The following GPC4 variants were observed in gnomAD, a reference collection of about 807,000 sequenced individuals.
The protein encoded by GPC4 is glypican-4.
GPC4 carries 10 observed loss-of-function variants against 35.0 expected under a neutral mutation model. The ratio of observed to expected loss-of-function variants is 0.29; its 90% CI spans 0.18 to 0.48. The LOEUF is 0.48. GPC4 is among the 20% of genes least tolerant of loss of function. The pLI, the probability that GPC4 is intolerant of heterozygous loss-of-function variation, is 0.99. For synonymous variants in GPC4, 167 were observed against 170.2 expected (o/e 0.98, Z 0.15); for missense variants, 322 against 451.3 (o/e 0.71, Z 2.60).
At chrX:133,322,104 C>T (rs2068367795) in intron 3 of GPC4, among the ~76,000 whole-genome samples, 1 of 111,278 alleles carries the variant, frequency 9.0e-6, no homozygotes, top group African/African-American at 3.3e-5. Flanking sequence ...CTAGAGTGAC[C>T]CGTGTATCCT....
intron 1 of GPC4, among the ~76,000 whole-genome samples, chrX:133,410,790 G>A (rs187620516): frequency 8.9e-6 from 1 of 112,644 alleles, no homozygotes; most frequent in African/African-American, 3.2e-5. Flanking sequence ...ACCAGAGACT[G>A]AGCTGCATAA....
intron 1 of GPC4, among the ~76,000 whole-genome samples, chrX:133,346,718 A>G (rs2124139755): frequency 8.9e-6 from 1 of 112,440 alleles, no homozygotes; most frequent in African/African-American, 3.2e-5. Flanking sequence ...TGTAAATAGA[A>G]TATTACTCAG....
At chrX:133,342,538 A>G (rs1407743358) in intron 1 of GPC4, among the ~76,000 whole-genome samples, 1 of 111,439 alleles carries the variant, frequency 9.0e-6, no homozygotes, top group Non-Finnish European at 1.9e-5. Flanking sequence ...CCCCGAATGC[A>G]CCACTTATCC....
chrX:133,340,902 C>T (rs1265805713), intron 1 of GPC4, among the ~76,000 whole-genome samples: 2 of 111,160 alleles, frequency 1.8e-5, no homozygotes, highest in Non-Finnish European at 3.8e-5. Context: ...GAAAGAGCAA[C>T]AATCTTCAAA....
chrX:133,303,695 TA>T (rs886516027), intron 7 of GPC4, among the ~76,000 whole-genome samples: 7 of 109,679 alleles, frequency 6.4e-5, no homozygotes, highest in Non-Finnish European at 1.9e-5. Context: ...CTACTAAAAA[TA>T]TGAAAATGAG....
chrX:133,391,169 C>T (rs1244531409), intron 1 of GPC4, among the ~76,000 whole-genome samples: 7 of 112,093 alleles, frequency 6.2e-5, no homozygotes, highest in African/African-American at 1.6e-4. Flanking sequence ...CATCTGCCTA[C>T]GCTTATGAGT....
intron 1 of GPC4, among the ~76,000 whole-genome samples, chrX:133,369,085 T>C (rs1453273003): frequency 8.9e-6 from 1 of 112,073 alleles, no homozygotes; most frequent in African/African-American, 3.2e-5. Flanking sequence ...AGGAAATTAA[T>C]CTTAGTCTAC....
chrX:133,407,622 T>G (rs1050510126), intron 1 of GPC4, among the ~76,000 whole-genome samples: 26 of 111,719 alleles, frequency 2.3e-4, no homozygotes, highest in African/African-American at 8.1e-4. Flanking sequence ...CAACCCACCC[T>G]TTTCACCATT....
At chrX:133,360,301 A>G (rs1295114759) in intron 1 of GPC4, among the ~76,000 whole-genome samples, 2 of 112,162 alleles carry the variant, frequency 1.8e-5, no homozygotes, top group Non-Finnish European at 3.8e-5. Flanking sequence ...TATTTGCTTT[A>G]TAAGAGGTTA....
chrX:133,336,591 T>C (rs1437543712), intron 2 of GPC4, among the ~76,000 whole-genome samples: 1 of 110,727 alleles, frequency 9.0e-6, no homozygotes, highest in Non-Finnish European at 1.9e-5. Context: ...GGGACTATGA[T>C]TTGGTGGGTA....
chrX:133,377,289 G>A (rs774808704), intron 1 of GPC4, among the ~76,000 whole-genome samples: 1 of 111,684 alleles, frequency 9.0e-6, no homozygotes, highest in East Asian at 2.8e-4. Flanking sequence ...TGTTGTCAGT[G>A]AGGGTAGAGC....
chrX:133,386,558 G>A (rs1184927330), intron 1 of GPC4, among the ~76,000 whole-genome samples: 3 of 111,486 alleles, frequency 2.7e-5, no homozygotes, highest in East Asian at 5.6e-4. Flanking sequence ...GGAGGCAGGT[G>A]CATATTCTCG....
chrX:133,409,817 G>A (rs145813427), intron 1 of GPC4, among the ~76,000 whole-genome samples: 22 of 111,537 alleles, frequency 2.0e-4, no homozygotes, highest in East Asian at 2.8e-4. Context: ...TTAAGCTGGC[G>A]ATGTTCAGGA....
At chrX:133,351,391 T>C (rs766289317) in intron 1 of GPC4, among the ~76,000 whole-genome samples, 2 of 93,157 alleles carry the variant, frequency 2.1e-5, no homozygotes, top group Non-Finnish European at 4.2e-5. Flanking sequence ...CCAAGAAAGC[T>C]TTTTGAAAAC....
At chrX:133,314,078 G>T (rs1192618056) in intron 3 of GPC4, among the ~76,000 whole-genome samples, 1 of 112,145 alleles carries the variant, frequency 8.9e-6, no homozygotes, top group East Asian at 2.8e-4. Context: ...CCTACTATGT[G>T]CCAGGGATTA....
intron 1 of GPC4, among the ~76,000 whole-genome samples, chrX:133,359,287 G>C (rs1374985735): frequency 9.0e-6 from 1 of 111,599 alleles, no homozygotes; most frequent in African/African-American, 3.3e-5. Context: ...CTGGAGACTG[G>C]TTTAAAAAGG....
rs1339501074 is a variant in GPC4, at chrX:133,336,164, T to C, written c.319+3019A>G. Reference sequence around the variant, plus strand: ...AATTTCTGAGAGTCAAGACATATCCTATAGCCTGTTAATCAATGCCCTTGG... The same window carrying C: ...AATTTCTGAGAGTCAAGACATATCCCATAGCCTGTTAATCAATGCCCTTGG... On this transcript the variant is annotated intron_variant, in intron 2 of 8. Coordinates refer to ENST00000370828, the MANE Select transcript of GPC4 (RefSeq NM_001448.3). Among the ~76,000 whole-genome samples, 12 of 111,843 alleles carry C rather than the reference T, an allele frequency of 1.1e-4. 2 individuals are homozygous for C. Among genetic ancestry groups the C allele is most frequent in the Admixed American group, 9.5e-4 (10 of 10,541 alleles).
At chrX:133,379,145 A>T (rs2068649321) in intron 1 of GPC4, among the ~76,000 whole-genome samples, 2 of 112,625 alleles carry the variant, frequency 1.8e-5, no homozygotes, top group Admixed American at 1.9e-4. Context: ...GTATACAAAC[A>T]TTCACAGCAG....
intron 1 of GPC4, among the ~76,000 whole-genome samples, chrX:133,351,486 A>C: frequency 9.1e-6 from 1 of 109,699 alleles, no homozygotes; most frequent in African/African-American, 3.3e-5. Context: ...CAAAGCACAG[A>C]TTCCCCTTAT....
Sources: gnomAD v4.1 joint callset for allele counts (sites outside exome capture counted in the v4.1 genomes callset) on GRCh38, gnomAD v4.1.1 for gene constraint, MANE v1.5 for transcripts, NCBI Gene and HGNC (gene_info 2026-07-23, HGNC 2026-07-21) for gene names.